NT5E: variants seen among roughly 807,000 people sequenced by gnomAD.
The protein encoded by NT5E is 5'-nucleotidase ecto.
A neutral mutation model predicts 55.1 loss-of-function variants in NT5E; 53 were observed. The ratio of observed to expected loss-of-function variants is 0.96; its 90% CI spans 0.77 to 1.21. NT5E has a LOEUF of 1.21. Ranked by LOEUF, NT5E falls within the 50% of genes most tolerant of loss-of-function variation. The probability of loss-of-function intolerance (pLI) is 0.00; values close to 1 mark genes in which losing one functional copy is unlikely to be tolerated. For synonymous variants in NT5E, 270 were observed against 278.4 expected (o/e 0.97, Z 0.30); for missense variants, 683 against 724.3 (o/e 0.94, Z 0.65).
intron 1 of NT5E, among the ~76,000 whole-genome samples, chr6:85,458,976 G>A (rs1008672960): frequency 6.6e-6 from 1 of 152,174 alleles, no homozygotes; most frequent in Non-Finnish European, 1.5e-5. Flanking sequence ...CTTGGCCCAG[G>A]ACTGCAGGGA....
chr6:85,494,072 T>C lies in NT5E; in HGVS notation c.*68T>C. ...TCAAGTGAGATTCAAATCTGCCTTT[T>C]AGGACCTGGCTTTGTGACAGCAAAA... is the stretch of plus-strand genomic sequence containing the variant. On this transcript the variant is annotated 3_prime_UTR_variant, in exon 9 of 9. Transcript: ENST00000257770. 6.6e-7 allele frequency: 1 copy of C among 1,509,372 alleles called. No homozygotes were observed. The highest frequency in any genetic ancestry group is 2.3e-5 in the East Asian group (1 of 44,214). 93.5% of individuals were successfully genotyped at this position (1,509,372 alleles called of 1,614,324 possible).
At chr6:85,477,673 TA>T (rs1312541345) in intron 3 of NT5E, among the ~76,000 whole-genome samples, 1 of 152,250 alleles carries the variant, frequency 6.6e-6, no homozygotes, top group African/African-American at 2.4e-5. Context: ...GCAGTTGAGA[TA>T]ATCTTGCCTT....
At chr6:85,489,425 A>G in intron 5 of NT5E, 69 bp from the exon 6 acceptor site, 1 of 1,105,982 alleles carries the variant, frequency 9.0e-7, no homozygotes, top group Non-Finnish European at 1.4e-6. Context: ...AGAGCTAACC[A>G]GATTCCTGGA....
At chr6:85,467,943 A>C (rs1224031898) in intron 2 of NT5E, among the ~76,000 whole-genome samples, 1 of 151,992 alleles carries the variant, frequency 6.6e-6, no homozygotes, top group Non-Finnish European at 1.5e-5. Context: ...CACATATATA[A>C]TCTTAAGACC....
intron 2 of NT5E, among the ~76,000 whole-genome samples, chr6:85,469,731 T>C (rs1288787717): frequency 6.6e-6 from 1 of 152,208 alleles, no homozygotes; most frequent in African/African-American, 2.4e-5. Context: ...TTTTTCAACA[T>C]TGCCTATGAG....
At chr6:85,464,568 C>T (rs138244619) in intron 1 of NT5E, among the ~76,000 whole-genome samples, 1 of 152,106 alleles carries the variant, frequency 6.6e-6, no homozygotes, top group African/African-American at 2.4e-5. Context: ...TCCCTAAGAG[C>T]CCCCTGGACC....
chr6:85,468,455 A>G (rs1012579564), intron 2 of NT5E, among the ~76,000 whole-genome samples: 1 of 152,228 alleles, frequency 6.6e-6, no homozygotes, highest in African/African-American at 2.4e-5. Flanking sequence ...AGGACATTCC[A>G]GAAGTGAGGT....
chr6:85,469,764 A>G (rs2127720926), intron 2 of NT5E, among the ~76,000 whole-genome samples: 1 of 152,372 alleles, frequency 6.6e-6, no homozygotes, highest in South Asian at 2.1e-4. Flanking sequence ...TTGCCTGTCC[A>G]ACACATCTGT....
At chr6:85,475,834 AT>A (rs1249171843) in intron 3 of NT5E, among the ~76,000 whole-genome samples, 1 of 152,170 alleles carries the variant, frequency 6.6e-6, no homozygotes, top group African/African-American at 2.4e-5. Context: ...TGAATTGTTA[AT>A]TCTGTCATCC....
At chr6:85,468,055 G>A (rs1424567760) in intron 2 of NT5E, among the ~76,000 whole-genome samples, 1 of 152,066 alleles carries the variant, frequency 6.6e-6, no homozygotes, top group East Asian at 1.9e-4. Context: ...CAAATTAAAT[G>A]TGTTTCCATA....
intron 2 of NT5E, among the ~76,000 whole-genome samples, chr6:85,469,818 A>T (rs756027922): frequency 1.3e-5 from 2 of 152,246 alleles, no homozygotes; most frequent in African/African-American, 2.4e-5. Context: ...CTCCCTGGCT[A>T]TGATGTCAGC....
chr6:85,488,770 G>A lies in NT5E; in HGVS notation c.1105-724G>A, dbSNP rs574266614. 5.9e-5 allele frequency among the ~76,000 whole-genome samples: 9 copies of A among 151,680 alleles called. No homozygotes were observed. In the East Asian group the frequency reaches 9.7e-4, roughly 16 times the overall value. On this transcript the variant is annotated intron_variant, in intron 5 of 8. Transcript: ENST00000257770. ...TAATTTTTGTATCTTTAGTAGAGACGGGGTTTCACCATGTTGGCTAGACTG... is the reference window on the plus strand; with the variant it reads ...TAATTTTTGTATCTTTAGTAGAGACAGGGTTTCACCATGTTGGCTAGACTG...
intron 3 of NT5E, among the ~76,000 whole-genome samples, chr6:85,480,864 G>A (rs1244946543): frequency 1.3e-5 from 2 of 152,076 alleles, no homozygotes; most frequent in East Asian, 1.9e-4. Context: ...AGGCCCCAGG[G>A]ACTAAATGTC....
chr6:85,452,735 G>A (rs192109105), intron 1 of NT5E, among the ~76,000 whole-genome samples: 1 of 152,250 alleles, frequency 6.6e-6, no homozygotes, highest in East Asian at 1.9e-4. Flanking sequence ...CTCCAGTATT[G>A]CACAGATGTT....
Position 85,450,519 on chromosome 6 carries a change from G to GA in NT5E, c.339+42dup, listed in dbSNP as rs2127752924. On this transcript the variant is annotated intron_variant, in intron 1 of 8. Transcript: ENST00000257770. This position sits in a 1 kb window ranked among gnomAD's most constrained non-coding sequence, Gnocchi z 4.0. ...GCGCCCGGGATAGTAGTCCCGGACT[G>GA]AGAGAGGAGCCGGGCTGGAAAAGCA... 2.6e-6 allele frequency: 4 copies of GA among 1,531,562 alleles called. No homozygotes were observed. The highest frequency in any genetic ancestry group is 3.5e-6 in the Non-Finnish European group (4 of 1,127,066). 94.9% of individuals were successfully genotyped at this position (1,531,562 alleles called of 1,614,324 possible).
intron 1 of NT5E, among the ~76,000 whole-genome samples, chr6:85,455,019 G>A (rs1333940674): frequency 6.6e-6 from 1 of 152,216 alleles, no homozygotes; most frequent in Non-Finnish European, 1.5e-5. Context: ...ACCAGAGTGA[G>A]GTAGCAGGAA....
chr6:85,459,659 A>G (rs930008455), intron 1 of NT5E, among the ~76,000 whole-genome samples: 4 of 152,210 alleles, frequency 2.6e-5, no homozygotes, highest in Non-Finnish European at 5.9e-5. Context: ...ACCAAATGAA[A>G]ATGTGAAGAA....
chr6:85,494,659 T>C lies in NT5E; in HGVS notation c.*655T>C, dbSNP rs1769854427. 6.5e-6 allele frequency: 1 copy of C among 153,084 alleles called. No individual in the cohort carries two copies. Among genetic ancestry groups the C allele is most frequent in the South Asian group, 2.1e-4 (1 of 4,866 alleles). The allele number at this position is 153,084 out of a possible 1,614,324, so 9.5% of individuals were successfully genotyped here. A position where few individuals can be genotyped will look rare whatever the true frequency, so the allele number is the denominator to read the frequency against. ...TTATTTCTTGTCTCTATTTTTTCAC[T>C]TTATAGCTCCTGTTATAATAGCAAG... On this transcript the variant is annotated 3_prime_UTR_variant, in exon 9 of 9. Transcript: ENST00000257770.
At chr6:85,476,783 C>T (rs543372010) in intron 3 of NT5E, among the ~76,000 whole-genome samples, 3 of 152,264 alleles carry the variant, frequency 2.0e-5, no homozygotes, top group Admixed American at 1.3e-4. Flanking sequence ...GAGGTCCTAC[C>T]GTCAAGCCAT....
Sources: allele counts gnomAD v4.1 joint callset (sites outside exome capture counted in the v4.1 genomes callset), GRCh38; gene constraint gnomAD v4.1.1; non-coding constraint Gnocchi (gnomAD v3.1); transcripts MANE v1.5; gene names NCBI Gene and HGNC (gene_info 2026-07-23, HGNC 2026-07-21).